Variants in RNF180 observed in about 807,000 individuals in gnomAD.
The protein encoded by RNF180 is ring finger protein 180.
A neutral mutation model predicts 59.2 loss-of-function variants in RNF180; 38 were observed. The ratio of observed to expected loss-of-function variants is 0.64; its 90% CI spans 0.50 to 0.84. The LOEUF is 0.84. Ranked by LOEUF, RNF180 falls within the 40% of genes least tolerant of loss-of-function variation. RNF180 has a pLI of 0.00. For missense variants in RNF180, 705 were observed against 700.9 expected, an observed-to-expected ratio of 1.01 and a Z score of -0.07; for synonymous variants, 262 against 240.3, an observed-to-expected ratio of 1.09 and a Z score of -0.84.
chr5:64,267,715 A>C (rs188481469), intron 5 of RNF180, among the ~76,000 whole-genome samples: 87 of 152,298 alleles, frequency 5.7e-4, no homozygotes, highest in African/African-American at 2.1e-3. Flanking sequence ...AAAAGTTTTT[A>C]AAATATTAAA....
At chr5:64,226,373 T>G (rs1214168748) in intron 5 of RNF180, among the ~76,000 whole-genome samples, 14 of 152,246 alleles carry the variant, frequency 9.2e-5, no homozygotes, top group Admixed American at 6.5e-4. Context: ...CCCAACCCCA[T>G]GCTCTCTGAA....
intron 1 of RNF180, 136 bp from the exon 2 acceptor site, chr5:64,200,672 G>C: frequency 1.5e-6 from 1 of 663,736 alleles, no homozygotes; most frequent in Non-Finnish European, 2.5e-6. Context: ...CCTAAGACCT[G>C]ATAACTGGTA....
At chr5:64,359,709 C>T (rs1746170730) in intron 7 of RNF180, among the ~76,000 whole-genome samples, 1 of 151,686 alleles carries the variant, frequency 6.6e-6, no homozygotes, top group Non-Finnish European at 1.5e-5. Context: ...AAGTCCTTGC[C>T]CATGCCTATG....
At chr5:64,261,592 C>T (rs1744344797) in intron 5 of RNF180, among the ~76,000 whole-genome samples, 1 of 152,090 alleles carries the variant, frequency 6.6e-6, no homozygotes, top group Non-Finnish European at 1.5e-5. Context: ...AAAAAAATAT[C>T]TCTTATCACA....
chr5:64,349,928 T>G (rs1031744918), intron 7 of RNF180, among the ~76,000 whole-genome samples: 4 of 152,180 alleles, frequency 2.6e-5, no homozygotes, highest in Non-Finnish European at 5.9e-5. Context: ...AGCAGCATGA[T>G]TTATAATCCT....
intron 1 of RNF180, among the ~76,000 whole-genome samples, chr5:64,185,009 G>A (rs539750975): frequency 7.1e-4 from 108 of 152,170 alleles, no homozygotes; most frequent in African/African-American, 2.5e-3. Flanking sequence ...CCAAACTCCT[G>A]ACTGTCCTTT....
At chr5:64,220,651 ATAAT>A (rs1396671146) in intron 5 of RNF180, among the ~76,000 whole-genome samples, 4 of 152,116 alleles carry the variant, frequency 2.6e-5, no homozygotes, top group Admixed American at 6.6e-5. Flanking sequence ...ATATTTCTAA[ATAAT>A]TCTATTTAAA....
intron 5 of RNF180, among the ~76,000 whole-genome samples, chr5:64,322,934 C>G (rs1744445549): frequency 6.6e-6 from 1 of 151,944 alleles, no homozygotes; most frequent in South Asian, 2.1e-4. Context: ...TACTAAACAA[C>G]TTATTCATGT....
At chr5:64,209,332 T>G (rs1205936374) in intron 2 of RNF180, among the ~76,000 whole-genome samples, 1 of 152,018 alleles carries the variant, frequency 6.6e-6, no homozygotes, top group Non-Finnish European at 1.5e-5. Flanking sequence ...GGTAGTGGTT[T>G]TTTCGTGTTA....
chr5:64,322,796 A>G (rs1435268813), intron 5 of RNF180, among the ~76,000 whole-genome samples: 1 of 152,118 alleles, frequency 6.6e-6, no homozygotes, highest in African/African-American at 2.4e-5. Flanking sequence ...AGCTATGAGG[A>G]TGCAAAGCAT....
At chr5:64,292,466 C>A (rs1742651795) in intron 5 of RNF180, among the ~76,000 whole-genome samples, 1 of 152,140 alleles carries the variant, frequency 6.6e-6, no homozygotes, top group South Asian at 2.1e-4. Flanking sequence ...GTGAAGGCTG[C>A]AAAACAGCAA....
At chr5:64,244,133 A>G (rs550984794) in intron 5 of RNF180, among the ~76,000 whole-genome samples, 1 of 152,344 alleles carries the variant, frequency 6.6e-6, no homozygotes, top group East Asian at 1.9e-4. Context: ...GAAGATGAGG[A>G]AAAAACAGGA....
chr5:64,175,555 C>T (rs536600288), intron 1 of RNF180, among the ~76,000 whole-genome samples: 3 of 152,242 alleles, frequency 2.0e-5, no homozygotes, highest in African/African-American at 7.2e-5. Context: ...ATAATATGAT[C>T]TCCAGCTTTA....
chr5:64,223,380 T>C (rs1464421480), intron 5 of RNF180, among the ~76,000 whole-genome samples: 1 of 152,250 alleles, frequency 6.6e-6, no homozygotes, highest in African/African-American at 2.4e-5. Context: ...TGTAAGGTAG[T>C]ACATTCACAG....
At chr5:64,354,633 A>G (rs973809754) in intron 7 of RNF180, among the ~76,000 whole-genome samples, 3 of 151,916 alleles carry the variant, frequency 2.0e-5, no homozygotes, top group African/African-American at 7.2e-5. Flanking sequence ...AGCCAAAGTT[A>G]TCACAAGAAA....
intron 5 of RNF180, among the ~76,000 whole-genome samples, chr5:64,292,389 G>A (rs1468988050): frequency 6.6e-6 from 1 of 152,066 alleles, no homozygotes; most frequent in Non-Finnish European, 1.5e-5. Flanking sequence ...GGGCTGCTGT[G>A]GCTTGCTGGG....
At chr5:64,263,008 A>C (rs1375706736) in intron 5 of RNF180, among the ~76,000 whole-genome samples, 2 of 152,178 alleles carry the variant, frequency 1.3e-5, no homozygotes, top group African/African-American at 4.8e-5. Flanking sequence ...AATGGCCACA[A>C]ATATGGTGTA....
chr5:64,305,558 T>A (rs1206023462), intron 5 of RNF180, among the ~76,000 whole-genome samples: 1 of 151,440 alleles, frequency 6.6e-6, no homozygotes, highest in East Asian at 1.9e-4. Context: ...GCGTCACCAG[T>A]GTATGAGTTC....
At chr5:64,355,686 C>CA (rs573645211) in intron 7 of RNF180, among the ~76,000 whole-genome samples, 98 of 151,806 alleles carry the variant, frequency 6.5e-4, no homozygotes, top group Non-Finnish European at 1.1e-3. Flanking sequence ...GTAGTACTGC[C>CA]ATAAGAATAG....
Sources: gnomAD v4.1 joint callset for allele counts (sites outside exome capture counted in the v4.1 genomes callset) on GRCh38, gnomAD v4.1.1 for gene constraint, MANE v1.5 for transcripts, NCBI Gene and HGNC (gene_info 2026-07-23, HGNC 2026-07-21) for gene names.